GRAMD1B: variants seen among roughly 807,000 people sequenced by gnomAD.
The protein encoded by GRAMD1B is protein Aster-B.
A neutral mutation model predicts 99.7 loss-of-function variants in GRAMD1B; 37 were observed. The ratio of observed to expected loss-of-function variants is 0.37; its 90% confidence interval spans 0.29 to 0.49. GRAMD1B has a LOEUF of 0.49. Among genes scored for constraint, GRAMD1B ranks in the 20% least tolerant of loss-of-function variants. The pLI is 0.98. For missense variants in GRAMD1B, 888 were observed against 1,009.2 expected, an observed-to-expected ratio of 0.88 and a Z score of 1.63; for synonymous variants, 427 against 387.6, an observed-to-expected ratio of 1.10 and a Z score of -1.19.
chr11:123,548,150 G>A (rs1364208475), intron 2 of GRAMD1B, among the ~76,000 whole-genome samples: 2 of 151,670 alleles, frequency 1.3e-5, no homozygotes, highest in African/African-American at 4.8e-5. Flanking sequence ...GGCACTGCTA[G>A]GATGTCATAG....
chr11:123,412,747 C>T (rs570210672), intron 1 of GRAMD1B, among the ~76,000 whole-genome samples: 136 of 152,028 alleles, frequency 8.9e-4, no homozygotes, highest in African/African-American at 2.9e-3. Flanking sequence ...CCTAAAGACC[C>T]ATATGCCCTC....
At chr11:123,490,082 C>G (rs930198580) in intron 2 of GRAMD1B, among the ~76,000 whole-genome samples, 7 of 152,202 alleles carry the variant, frequency 4.6e-5, no homozygotes, top group Admixed American at 1.3e-4. Context: ...AAAGAAAGAG[C>G]ACTATGTACT....
Position 123,623,919 on chromosome 11 carries a change from A to C in GRAMD1B, c.*1324A>C, listed in dbSNP as rs1025919723. ...TGGTCTCTGGCCCCACAGAGGTGTA[A>C]GATCATTAAGAAGTAGAAGGCACTA... On this transcript the variant is annotated 3_prime_UTR_variant, in exon 20 of 20. Coordinates refer to ENST00000635736, the MANE Select transcript of GRAMD1B (RefSeq NM_001387025.1). The C allele has an allele frequency of 3.9e-5, 6 of 152,266 alleles. No homozygotes were observed. Among genetic ancestry groups the C allele is most frequent in the Non-Finnish European group, 5.9e-5 (4 of 68,082 alleles). The allele number at this position is 152,266 out of a possible 1,614,324, so 9.4% of individuals were successfully genotyped here. A position where few individuals can be genotyped will look rare whatever the true frequency, so the allele number is the denominator to read the frequency against.
chr11:123,410,707 A>G (rs1022221063), intron 1 of GRAMD1B, among the ~76,000 whole-genome samples: 2 of 152,146 alleles, frequency 1.3e-5, no homozygotes, highest in Non-Finnish European at 2.9e-5. Context: ...AAGATCTAGA[A>G]AGAAGATGCT....
At chr11:123,580,449 A>G (rs1650611063) in intron 3 of GRAMD1B, among the ~76,000 whole-genome samples, 1 of 152,098 alleles carries the variant, frequency 6.6e-6, no homozygotes, top group Non-Finnish European at 1.5e-5. Flanking sequence ...TCTCCTGGCC[A>G]CCCCTAGAGG....
intron 2 of GRAMD1B, among the ~76,000 whole-genome samples, chr11:123,530,982 T>A (rs1372711479): frequency 6.6e-6 from 1 of 152,200 alleles, no homozygotes. Context: ...TCTCTCAGCT[T>A]CCTTTTTAGT....
rs1254083335 is a variant in GRAMD1B at position 123,610,683 on chromosome 11, A to G, written c.1919+345A>G. 6.6e-6 allele frequency among the ~76,000 whole-genome samples: 1 copy of G among 152,240 alleles called. No homozygotes were observed. Among genetic ancestry groups the G allele is most frequent in the East Asian group, 1.9e-4 (1 of 5,196 alleles). ...CATTTTTCAGATAAAACTGAGTCTCATATGAGTTCAGGAACTTTGCCAAGA... is the reference window on the plus strand; with the variant it reads ...CATTTTTCAGATAAAACTGAGTCTCGTATGAGTTCAGGAACTTTGCCAAGA... On this transcript the variant is annotated intron_variant, in intron 14 of 19. Coordinates refer to ENST00000635736, the MANE Select transcript of GRAMD1B (RefSeq NM_001387025.1). This position sits in a 1 kb window ranked among gnomAD's most constrained non-coding sequence, Gnocchi z 4.1.
intron 1 of GRAMD1B, among the ~76,000 whole-genome samples, chr11:123,393,011 A>G (rs1211352957): frequency 2.0e-5 from 3 of 152,232 alleles, no homozygotes; most frequent in African/African-American, 7.2e-5. Flanking sequence ...GAACAGGATG[A>G]GGCCAGACAC....
At chr11:123,589,614 TTATATATA>T (rs71060517) in intron 4 of GRAMD1B, among the ~76,000 whole-genome samples, 32 of 128,264 alleles carry the variant, frequency 2.5e-4, no homozygotes, top group African/African-American at 9.5e-4. Context: ...TGGCTAATTT[TTATATATA>T]TATATATATA....
upstream of GRAMD1B, among the ~76,000 whole-genome samples, chr11:123,429,904 T>C (rs1010798233): frequency 6.6e-6 from 1 of 152,152 alleles, no homozygotes; most frequent in Non-Finnish European, 1.5e-5. The surrounding 1 kb of genome is among the most constrained non-coding windows in gnomAD (Gnocchi z 4.0). Context: ...CAAGAGCTAG[T>C]TGAAAAGTCT....
chr11:123,581,000 C>T (rs1033615154), intron 3 of GRAMD1B, among the ~76,000 whole-genome samples: 7 of 151,390 alleles, frequency 4.6e-5, no homozygotes, highest in African/African-American at 1.7e-4. Context: ...CTAACTCCTA[C>T]TAAATGTAGA....
At chr11:123,618,494 G>A in intron 17 of GRAMD1B, 199 bp from the exon 18 acceptor site, 1 of 863,944 alleles carries the variant, frequency 1.2e-6, no homozygotes, top group Non-Finnish European at 2.0e-6. Context: ...CCTCTCCATG[G>A]CTCTCCCCTG....
upstream of GRAMD1B, among the ~76,000 whole-genome samples, chr11:123,428,067 G>A (rs1215221068): frequency 6.6e-6 from 1 of 152,120 alleles, no homozygotes; most frequent in African/African-American, 2.4e-5. Flanking sequence ...CCTGTCTTGT[G>A]GACCATCCTT....
chr11:123,598,893 T>C lies in GRAMD1B; in HGVS notation c.970-1575T>C. 4.5e-6 allele frequency: 6 copies of C among 1,331,272 alleles called. No homozygotes were observed. The South Asian group carries it at 7.0e-5, about 16-fold the overall frequency. The allele number at this position is 1,331,272 out of a possible 1,614,324, so 82.5% of individuals were successfully genotyped here. A position where few individuals can be genotyped will look rare whatever the true frequency, so the allele number is the denominator to read the frequency against. ...ATCCTGAAGGTACTCAAGCAGCATC[T>C]CTAGGTATCTCTTATGCTCTGCATT... On this transcript the variant is annotated intron_variant, in intron 7 of 19. Transcript: ENST00000635736.
chr11:123,622,509 A>G lies in GRAMD1B; in HGVS notation c.2548A>G (p.Lys850Glu). The stretch of plus-strand genomic sequence containing the variant: ...GGTGGGGTTTTCTGTCTTGCAGATG[A>G]AGGACTCGCTCATCAACCTTCAGAA... ...KSSVMLLDQMKDSLINLQNGI... is the reference protein window; with the variant it reads ...KSSVMLLDQMEDSLINLQNGI... The change falls in exon 20 of 20, where the codon AAG (lysine) becomes GAG (glutamate). Residue 850 changes from lysine to glutamate, a missense_variant. Transcript: ENST00000635736. The G allele has an allele frequency of 6.5e-7, 1 of 1,549,738 alleles. No homozygotes were observed. Among genetic ancestry groups the G allele is most frequent in the Middle Eastern group, 1.7e-4 (1 of 5,986 alleles).
chr11:123,473,479 C>A (rs996590074), intron 1 of GRAMD1B, among the ~76,000 whole-genome samples: 5 of 152,018 alleles, frequency 3.3e-5, no homozygotes, highest in Non-Finnish European at 7.4e-5. Flanking sequence ...ACTGTATTAC[C>A]CAGGCTGGTC....
chr11:123,469,920 TTTG>T (rs1411977651), intron 1 of GRAMD1B, among the ~76,000 whole-genome samples: 1 of 152,286 alleles, frequency 6.6e-6, no homozygotes, highest in African/African-American at 2.4e-5. Flanking sequence ...GTGCTGCATT[TTTG>T]TTGTTGTTGT....
intron 1 of GRAMD1B, among the ~76,000 whole-genome samples, chr11:123,362,288 C>T (rs10893026): frequency 6.6e-6 from 1 of 152,002 alleles, no homozygotes; most frequent in Non-Finnish European, 1.5e-5. Context: ...GCTTAAAACT[C>T]TCTGAATCCT....
At chr11:123,616,035 A>G (rs1323296326) in intron 17 of GRAMD1B, among the ~76,000 whole-genome samples, 8 of 152,164 alleles carry the variant, frequency 5.3e-5, no homozygotes, top group Admixed American at 5.2e-4. Flanking sequence ...AAACAAAAGT[A>G]ACTGTTGGCT....
Sources: gnomAD v4.1 joint callset for allele counts (sites outside exome capture counted in the v4.1 genomes callset) on GRCh38, gnomAD v4.1.1 for gene constraint, Gnocchi (gnomAD v3.1) non-coding constraint, MANE v1.5 for transcripts, NCBI Gene and HGNC (gene_info 2026-07-23, HGNC 2026-07-21) for gene names.